PALM2AKAP2: variants seen among roughly 807,000 people sequenced by gnomAD.
The protein encoded by PALM2AKAP2 is PALM2 and AKAP2 fusion.
PALM2AKAP2 carries 37 observed loss-of-function variants against 71.5 expected under a neutral mutation model. The ratio of observed to expected loss-of-function variants is 0.52; its 90% CI spans 0.40 to 0.68. The LOEUF is 0.68. Among genes scored for constraint, PALM2AKAP2 ranks in the 30% least tolerant of loss-of-function variants. The pLI is 0.00. For missense variants in PALM2AKAP2, 1,224 were observed against 1,191.8 expected (o/e 1.03, Z -0.40); for synonymous variants, 468 against 478.8 (o/e 0.98, Z 0.29).
chr9:110,084,768 C>T (rs1359575130), intron 1 of PALM2AKAP2, among the ~76,000 whole-genome samples: 1 of 151,920 alleles, frequency 6.6e-6, no homozygotes. Context: ...CGGAGTCTCG[C>T]TCTGTTGCCC....
chr9:109,890,198 C>T (rs115765233), intron 3 of PALM2AKAP2, among the ~76,000 whole-genome samples: 123 of 152,318 alleles, frequency 8.1e-4, no homozygotes, highest in African/African-American at 2.8e-3. Context: ...TCCTTTCCAG[C>T]GATTCTCCAG....
Position 109,862,457 on chromosome 9 carries a change from CT to C in PALM2AKAP2, c.46-5033del, listed in dbSNP as rs1399992907. Among the ~76,000 whole-genome samples, 7 of 152,266 alleles carry C rather than the reference CT, an allele frequency of 4.6e-5. No homozygotes were observed. The East Asian group carries it at 9.7e-4, about 21-fold the overall frequency. Reference sequence around the variant, plus strand: ...TTTATGTGACTTGGAAAAATTGCTACTCAGAAGTACATCATCTCAGCTTAAT... The same window carrying C: ...TTTATGTGACTTGGAAAAATTGCTACCAGAAGTACATCATCTCAGCTTAAT... On this transcript the variant is annotated intron_variant, in intron 1 of 9. Coordinates refer to the PALM2AKAP2 transcript ENST00000302798.
chr9:109,685,922 A>G (rs575762929), intron 1 of PALM2AKAP2, among the ~76,000 whole-genome samples: 2 of 152,118 alleles, frequency 1.3e-5, no homozygotes, highest in African/African-American at 4.8e-5. Context: ...CTGCCTTGTA[A>G]ACTAAGTTTA....
intron 1 of PALM2AKAP2, among the ~76,000 whole-genome samples, chr9:109,836,148 C>T (rs992777059): frequency 2.6e-5 from 4 of 152,180 alleles, no homozygotes; most frequent in Non-Finnish European, 5.9e-5. Context: ...CAGACTGACA[C>T]CTCACATGGC....
exon 2 of PALM2AKAP2, chr9:110,136,688 G>A: frequency 6.2e-7 from 1 of 1,614,176 alleles, no homozygotes; most frequent in Non-Finnish European, 8.5e-7. Flanking sequence ...GCAGGTGCCT[G>A]TCAGCCCCAG....
intron 1 of PALM2AKAP2, among the ~76,000 whole-genome samples, chr9:109,815,360 G>A (rs1827826878): frequency 6.6e-6 from 1 of 152,186 alleles, no homozygotes; most frequent in Non-Finnish European, 1.5e-5. Flanking sequence ...ATGTAGGTAT[G>A]GAATTCAGGA....
Position 109,982,908 on chromosome 9 carries a change from G to A in PALM2AKAP2, c.497-33046G>A, listed in dbSNP as rs76192815. Among the ~76,000 whole-genome samples the A allele has an allele frequency of 8.1e-3, 1,227 of 152,324 alleles. 7 individuals are homozygous for A. Among genetic ancestry groups the A allele is most frequent in the Non-Finnish European group, 0.012 (804 of 68,026 alleles). On this transcript the variant is annotated intron_variant, in intron 6 of 9. Coordinates refer to the PALM2AKAP2 transcript ENST00000302798. ...CAAAGTGTTAAAAATATAGGTGTGA[G>A]CCACTGCACCTGGTCTTTAGTCTGG...
At chr9:110,020,999 C>T (rs949666161) in intron 7 of PALM2AKAP2, among the ~76,000 whole-genome samples, 4 of 151,658 alleles carry the variant, frequency 2.6e-5, no homozygotes, top group South Asian at 4.2e-4. Flanking sequence ...CCAGCTACTC[C>T]GGAGGCTGAA....
At chr9:109,907,028 A>T (rs951302505) in intron 3 of PALM2AKAP2, among the ~76,000 whole-genome samples, 1 of 152,164 alleles carries the variant, frequency 6.6e-6, no homozygotes, top group Non-Finnish European at 1.5e-5. Context: ...CCCTTTGTCC[A>T]TGTTATCATC....
chr9:110,007,355 A>G (rs895860675), intron 6 of PALM2AKAP2, among the ~76,000 whole-genome samples: 4 of 152,254 alleles, frequency 2.6e-5, no homozygotes, highest in African/African-American at 9.6e-5. Context: ...ATGATACAGT[A>G]TGAGGATGAC....
At chr9:109,865,937 T>C (rs1306227037) in intron 1 of PALM2AKAP2, among the ~76,000 whole-genome samples, 1 of 152,222 alleles carries the variant, frequency 6.6e-6, no homozygotes, top group Non-Finnish European at 1.5e-5. Context: ...TCCACTGTCA[T>C]ATATTTTATG....
chr9:109,839,164 G>A (rs938694716), intron 1 of PALM2AKAP2, among the ~76,000 whole-genome samples: 1 of 152,186 alleles, frequency 6.6e-6, no homozygotes, highest in Non-Finnish European at 1.5e-5. Flanking sequence ...GAATCCAGCA[G>A]CATATCAAAA....
intron 1 of PALM2AKAP2, chr9:110,127,526 C>T (rs1835636119): frequency 1.3e-5 from 2 of 152,238 alleles, no homozygotes; most frequent in South Asian, 4.1e-4. Context: ...GAATGTGGCC[C>T]AGGTTATCAC....
intron 3 of PALM2AKAP2, among the ~76,000 whole-genome samples, chr9:109,905,388 T>G (rs1830424640): frequency 6.6e-6 from 1 of 152,218 alleles, no homozygotes; most frequent in Admixed American, 6.5e-5. Flanking sequence ...CAACACCATC[T>G]GTACCACCAG....
intron 2 of PALM2AKAP2, among the ~76,000 whole-genome samples, chr9:109,868,494 G>T (rs1258153080): frequency 6.6e-6 from 1 of 152,182 alleles, no homozygotes; most frequent in Non-Finnish European, 1.5e-5. Context: ...TGGGTGGGAA[G>T]GTGGTGCTGA....
At chr9:109,647,511 T>A (rs1827171217) in intron 1 of PALM2AKAP2, among the ~76,000 whole-genome samples, 1 of 152,242 alleles carries the variant, frequency 6.6e-6, no homozygotes, top group Non-Finnish European at 1.5e-5. Flanking sequence ...TTTTGTTAGA[T>A]ATTGCCCAGG....
intron 6 of PALM2AKAP2, among the ~76,000 whole-genome samples, chr9:109,969,763 G>A (rs1337698233): frequency 6.6e-6 from 1 of 152,172 alleles, no homozygotes; most frequent in Non-Finnish European, 1.5e-5. Context: ...TTACACCACA[G>A]TGTAGCACTC....
At chr9:110,136,760 AAGG>A in exon 2 of PALM2AKAP2, 1 of 1,614,154 alleles carries the variant, frequency 6.2e-7, no homozygotes, top group Non-Finnish European at 8.5e-7. Context: ...CACACTGAAA[AAGG>A]AGGCCAAGTT....
intron 3 of PALM2AKAP2, among the ~76,000 whole-genome samples, chr9:109,886,851 G>C (rs1829977524): frequency 6.6e-6 from 1 of 152,216 alleles, no homozygotes; most frequent in African/African-American, 2.4e-5. Context: ...AAAAACTAAA[G>C]GCTAGGTATA....
Sources: gnomAD v4.1 joint callset for allele counts (sites outside exome capture counted in the v4.1 genomes callset) on GRCh38, gnomAD v4.1.1 for gene constraint, MANE v1.5 for transcripts, NCBI Gene and HGNC (gene_info 2026-07-23, HGNC 2026-07-21) for gene names.